The following CFAP299 variants were observed in gnomAD, a reference collection of about 807,000 sequenced individuals.
CFAP299 encodes the protein cilia and flagella associated protein 299, also known as cilia- and flagella-associated protein 299.
CFAP299 carries 21 observed loss-of-function variants against 27.0 expected under a neutral mutation model. The ratio of observed to expected loss-of-function variants is 0.78; its 90% CI spans 0.55 to 1.12. The LOEUF is 1.12. Ranked by LOEUF, CFAP299 falls within the 50% of genes most tolerant of loss-of-function variation. The probability of loss-of-function intolerance (pLI) is 0.00; values close to 1 mark genes in which losing one functional copy is unlikely to be tolerated. For synonymous variants in CFAP299, 104 were observed against 98.1 expected (o/e 1.06, Z -0.36); for missense variants, 310 against 276.6 (o/e 1.12, Z -0.86).
chr4:80,715,371 A>G (rs762226821), intron 3 of CFAP299, among the ~76,000 whole-genome samples: 1 of 152,086 alleles, frequency 6.6e-6, no homozygotes, highest in Non-Finnish European at 1.5e-5. Context: ...TGATTTCCCT[A>G]TAAATTCTGG....
intron 2 of CFAP299, among the ~76,000 whole-genome samples, chr4:80,439,484 A>T (rs1728247363): frequency 6.6e-6 from 1 of 152,180 alleles, no homozygotes; most frequent in African/African-American, 2.4e-5. Flanking sequence ...AAGCTGAGGG[A>T]CTATGACATG....
Position 80,490,213 on chromosome 4 carries a change from G to A in CFAP299, c.243-92880G>A, listed in dbSNP as rs74842499. 9.1e-3 allele frequency among the ~76,000 whole-genome samples: 1,379 copies of A among 152,214 alleles called. 10 individuals carry two copies. The highest frequency in any genetic ancestry group is 0.027 in the Middle Eastern group (8 of 294). Reference sequence around the variant, plus strand: ...CTTTTTAGATACCAATTCTCAAGTGGTTTTTAGACATTCACATAGCTTGGC... The same window carrying A: ...CTTTTTAGATACCAATTCTCAAGTGATTTTTAGACATTCACATAGCTTGGC... On this transcript the variant is annotated intron_variant, in intron 2 of 5. Transcript: ENST00000358105.
At chr4:80,610,905 G>A (rs1033527416) in intron 3 of CFAP299, among the ~76,000 whole-genome samples, 1 of 151,958 alleles carries the variant, frequency 6.6e-6, no homozygotes, top group Non-Finnish European at 1.5e-5. Flanking sequence ...TGATGAGCTG[G>A]TCACCCTGTA....
chr4:80,543,936 T>C (rs1309266143), intron 2 of CFAP299, among the ~76,000 whole-genome samples: 3 of 152,062 alleles, frequency 2.0e-5, no homozygotes, highest in Non-Finnish European at 4.4e-5. Flanking sequence ...TTAAAGGTCT[T>C]AAGACAGCTA....
chr4:80,591,444 AACAAAC>A, intron 3 of CFAP299, among the ~76,000 whole-genome samples: 1 of 152,274 alleles, frequency 6.6e-6, no homozygotes, highest in South Asian at 2.1e-4. Context: ...TTTACAAAGA[AACAAAC>A]AAACAAAAAT....
intron 3 of CFAP299, among the ~76,000 whole-genome samples, chr4:80,867,786 A>G (rs766691547): frequency 6.6e-5 from 10 of 152,238 alleles, no homozygotes; most frequent in Non-Finnish European, 1.2e-4. Flanking sequence ...GTCTTCAAAT[A>G]CAGTCACCTC....
chr4:80,749,775 C>T (rs540006110), intron 3 of CFAP299, among the ~76,000 whole-genome samples: 21 of 152,320 alleles, frequency 1.4e-4, no homozygotes, highest in Non-Finnish European at 2.6e-4. Flanking sequence ...TTTATTCTAG[C>T]GACACTGGCA....
chr4:80,780,119 C>A (rs1175814532), intron 3 of CFAP299, among the ~76,000 whole-genome samples: 1 of 151,770 alleles, frequency 6.6e-6, no homozygotes, highest in Non-Finnish European at 1.5e-5. Flanking sequence ...CTGGAATGGT[C>A]TCCTTCCCTC....
chr4:80,683,281 A>G (rs1343043369), intron 3 of CFAP299, among the ~76,000 whole-genome samples: 1 of 152,150 alleles, frequency 6.6e-6, no homozygotes, highest in Non-Finnish European at 1.5e-5. Flanking sequence ...CAGGTGGGTT[A>G]ATTAATTTAT....
At chr4:80,416,159 G>T (rs544650187) in intron 2 of CFAP299, among the ~76,000 whole-genome samples, 2 of 152,180 alleles carry the variant, frequency 1.3e-5, no homozygotes, top group Non-Finnish European at 2.9e-5. Context: ...CACCCATCCT[G>T]TTGGAAATCT....
chr4:80,695,318 A>G (rs1721016892), intron 3 of CFAP299, among the ~76,000 whole-genome samples: 1 of 152,206 alleles, frequency 6.6e-6, no homozygotes, highest in South Asian at 2.1e-4. Flanking sequence ...GGACTGCTAA[A>G]GCCTTATTGC....
chr4:80,616,513 A>G (rs1009390221), intron 3 of CFAP299, among the ~76,000 whole-genome samples: 1 of 151,706 alleles, frequency 6.6e-6, no homozygotes, highest in Admixed American at 6.6e-5. Flanking sequence ...TTTACAGATG[A>G]AAAAAAACAA....
chr4:80,545,151 C>T (rs1734165684), intron 2 of CFAP299, among the ~76,000 whole-genome samples: 1 of 151,958 alleles, frequency 6.6e-6, no homozygotes, highest in Admixed American at 6.6e-5. Context: ...TTCTTTGAAA[C>T]TGAAAAAACA....
At chr4:80,576,526 A>G (rs1041078009) in intron 2 of CFAP299, among the ~76,000 whole-genome samples, 6 of 152,146 alleles carry the variant, frequency 3.9e-5, no homozygotes, top group Non-Finnish European at 7.4e-5. Flanking sequence ...TCTAAAAAAT[A>G]GAATTTAAAT....
chr4:80,901,042 G>A (rs1237576174), intron 4 of CFAP299, among the ~76,000 whole-genome samples: 1 of 152,022 alleles, frequency 6.6e-6, no homozygotes, highest in Non-Finnish European at 1.5e-5. Context: ...AGGAAGATGA[G>A]TAAAAAAGGA....
At chr4:80,479,928 A>G (rs1730468395) in intron 2 of CFAP299, among the ~76,000 whole-genome samples, 1 of 152,044 alleles carries the variant, frequency 6.6e-6, no homozygotes. Context: ...GCCTATTACC[A>G]TAAAGCTAAA....
chr4:80,477,792 A>C (rs1220134728), intron 2 of CFAP299, among the ~76,000 whole-genome samples: 1 of 152,176 alleles, frequency 6.6e-6, no homozygotes, highest in Non-Finnish European at 1.5e-5. Flanking sequence ...GTCCATCATT[A>C]TAATTGTTCC....
intron 3 of CFAP299, among the ~76,000 whole-genome samples, chr4:80,665,948 T>C (rs1182508734): frequency 6.6e-6 from 1 of 152,112 alleles, no homozygotes; most frequent in Non-Finnish European, 1.5e-5. Flanking sequence ...CTGACATGAT[T>C]GGAAGTTTCC....
intron 1 of CFAP299, among the ~76,000 whole-genome samples, chr4:80,339,798 T>C (rs1389874618): frequency 2.0e-5 from 3 of 152,222 alleles, no homozygotes; most frequent in Admixed American, 1.3e-4. Context: ...TAGTAATTCT[T>C]CTATTTAAAT....
Sources: allele counts gnomAD v4.1 joint callset (sites outside exome capture counted in the v4.1 genomes callset), GRCh38; gene constraint gnomAD v4.1.1; transcripts MANE v1.5; gene names NCBI Gene and HGNC (gene_info 2026-07-23, HGNC 2026-07-21).